NKAIN3: variants seen among roughly 807,000 people sequenced by gnomAD.
The protein encoded by NKAIN3 is sodium/potassium-transporting ATPase subunit beta-1-interacting protein 3.
In NKAIN3, 25 loss-of-function variants were observed where a neutral mutation model predicts 30.2. The ratio of observed to expected loss-of-function variants is 0.83; its 90% CI spans 0.60 to 1.16. The LOEUF (loss-of-function observed/expected upper bound fraction) is 1.16. Ranked by LOEUF, NKAIN3 falls within the 50% of genes most tolerant of loss-of-function variation. The pLI, the probability that NKAIN3 is intolerant of heterozygous loss-of-function variation, is 0.00. For missense variants in NKAIN3, 225 were observed against 254.1 expected (o/e 0.89, Z 0.78); for synonymous variants, 91 against 89.6 (o/e 1.02, Z -0.09).
chr8:62,853,339 T>C (rs182729428), intron 4 of NKAIN3, among the ~76,000 whole-genome samples: 78 of 152,314 alleles, frequency 5.1e-4, no homozygotes, highest in Non-Finnish European at 9.0e-4. Context: ...ATTTTGAGCC[T>C]ATGTGTGTCT....
chr8:62,403,839 A>G (rs1724786645), intron 1 of NKAIN3, among the ~76,000 whole-genome samples: 1 of 152,238 alleles, frequency 6.6e-6, no homozygotes, highest in Non-Finnish European at 1.5e-5. Flanking sequence ...ACTGTCTTCC[A>G]GACCCCAGAA....
chr8:62,368,728 G>T (rs779085098), intron 1 of NKAIN3, among the ~76,000 whole-genome samples: 1 of 151,860 alleles, frequency 6.6e-6, no homozygotes, highest in African/African-American at 2.4e-5. Context: ...AACTCAGACT[G>T]GTATCATACT....
chr8:62,592,200 G>T (rs2130113592), intron 3 of NKAIN3, among the ~76,000 whole-genome samples: 1 of 152,002 alleles, frequency 6.6e-6, no homozygotes, highest in East Asian at 1.9e-4. Flanking sequence ...GTGTTCTTTT[G>T]CTGACAATTT....
intron 1 of NKAIN3, among the ~76,000 whole-genome samples, chr8:62,403,477 G>A (rs897410209): frequency 6.6e-6 from 1 of 152,154 alleles, no homozygotes; most frequent in South Asian, 2.1e-4. Flanking sequence ...CTCCCCTGCT[G>A]TTTAACCTCA....
intron 4 of NKAIN3, among the ~76,000 whole-genome samples, chr8:62,823,579 G>T (rs1243072018): frequency 6.6e-6 from 1 of 152,144 alleles, no homozygotes; most frequent in Non-Finnish European, 1.5e-5. Flanking sequence ...ATGTTGCTTT[G>T]AGACGATTAA....
At chr8:62,521,264 G>T (rs1384356341) in intron 1 of NKAIN3, among the ~76,000 whole-genome samples, 1 of 151,934 alleles carries the variant, frequency 6.6e-6, no homozygotes, top group Admixed American at 6.6e-5. Flanking sequence ...GGGTAGAAAG[G>T]CCACACTGCC....
At chr8:62,382,816 CT>C (rs1204659684) in intron 1 of NKAIN3, among the ~76,000 whole-genome samples, 3 of 152,122 alleles carry the variant, frequency 2.0e-5, no homozygotes, top group Non-Finnish European at 2.9e-5. Context: ...CACGCTCCAC[CT>C]TTTTTCCATA....
At chr8:62,423,240 T>C (rs867075546) in intron 1 of NKAIN3, among the ~76,000 whole-genome samples, 1 of 152,012 alleles carries the variant, frequency 6.6e-6, no homozygotes. Context: ...GAAGGAAGGA[T>C]AGCCTGAATA....
chr8:62,889,783 C>T (rs1271248959), intron 4 of NKAIN3, among the ~76,000 whole-genome samples: 1 of 152,044 alleles, frequency 6.6e-6, no homozygotes, highest in Non-Finnish European at 1.5e-5. Flanking sequence ...TGAGCAACGG[C>T]CAGGATTCGG....
At chr8:62,281,166 G>T (rs987045708) in intron 1 of NKAIN3, among the ~76,000 whole-genome samples, 1 of 152,112 alleles carries the variant, frequency 6.6e-6, no homozygotes, top group Admixed American at 6.5e-5. Flanking sequence ...TTGCATACAG[G>T]TGTTTATAGT....
intron 1 of NKAIN3, among the ~76,000 whole-genome samples, chr8:62,480,940 CG>C (rs907684876): frequency 7.9e-5 from 12 of 152,158 alleles, no homozygotes; most frequent in African/African-American, 2.9e-4. Flanking sequence ...GCACCCTGAC[CG>C]GGAAGTAACT....
chr8:62,469,796 A>G (rs1157376566), intron 1 of NKAIN3, among the ~76,000 whole-genome samples: 2 of 152,196 alleles, frequency 1.3e-5, no homozygotes, highest in Non-Finnish European at 2.9e-5. Flanking sequence ...TGCAGTGTAC[A>G]GTAAAAGCCT....
intron 3 of NKAIN3, among the ~76,000 whole-genome samples, chr8:62,685,664 C>T (rs1813777236): frequency 6.6e-6 from 1 of 152,154 alleles, no homozygotes; most frequent in African/African-American, 2.4e-5. Context: ...CATTCAAATA[C>T]TTGCCCCAAG....
At chr8:62,274,864 C>A (rs1171272380) in intron 1 of NKAIN3, among the ~76,000 whole-genome samples, 1 of 150,866 alleles carries the variant, frequency 6.6e-6, no homozygotes, top group South Asian at 2.1e-4. Context: ...TTTGTCCTTG[C>A]GATAGTTTGC....
Position 62,781,998 on chromosome 8 carries a change from G to T in NKAIN3, c.471+34869G>T, listed in dbSNP as rs1449195500. ...AAATAAGCAATTAATTGAGTGAAAA[G>T]ACAACCTCTTGAATGGAGAAAACAC... On this transcript the variant is annotated intron_variant, in intron 4 of 6. Coordinates refer to ENST00000623646, the MANE Select transcript of NKAIN3 (RefSeq NM_001304533.3). 2.0e-5 allele frequency among the ~76,000 whole-genome samples: 3 copies of T among 152,048 alleles called. No homozygotes were observed. In the East Asian group the frequency reaches 5.8e-4, roughly 29 times the overall value.
chr8:62,806,151 A>G (rs1325821582), intron 4 of NKAIN3, among the ~76,000 whole-genome samples: 2 of 152,190 alleles, frequency 1.3e-5, no homozygotes, highest in African/African-American at 4.8e-5. Flanking sequence ...AAGTTAGGAA[A>G]CAACAGGTGC....
chr8:62,527,074 T>TAGACTGGAATCCCATCATAGTCCCC (rs1808326304), intron 1 of NKAIN3, among the ~76,000 whole-genome samples: 1 of 152,216 alleles, frequency 6.6e-6, no homozygotes, highest in African/African-American at 2.4e-5. Flanking sequence ...TTATGGTCTC[T>TAGACTGGAATCCCATCATAGTCCCC]AGACTGGAAT....
At chr8:62,769,865 C>A (rs557507667) in intron 4 of NKAIN3, among the ~76,000 whole-genome samples, 1 of 152,258 alleles carries the variant, frequency 6.6e-6, no homozygotes, top group South Asian at 2.1e-4. Context: ...ACTTTTTTAT[C>A]TTCTATCCTA....
intron 1 of NKAIN3, among the ~76,000 whole-genome samples, chr8:62,503,080 C>A (rs747143732): frequency 1.1e-4 from 17 of 152,178 alleles, no homozygotes; most frequent in Admixed American, 2.0e-4. Context: ...CCTGTCACAT[C>A]AGAAGTGGCA....
Sources: allele counts gnomAD v4.1 joint callset (sites outside exome capture counted in the v4.1 genomes callset), GRCh38; gene constraint gnomAD v4.1.1; transcripts MANE v1.5; gene names NCBI Gene and HGNC (gene_info 2026-07-23, HGNC 2026-07-21).